The following POGLUT3 variants were observed in gnomAD, a reference collection of about 807,000 sequenced individuals.
The protein encoded by POGLUT3 is KDEL (Lys-Asp-Glu-Leu) containing 2.
POGLUT3 carries 48 observed loss-of-function variants against 54.3 expected under a neutral mutation model. That is an observed-to-expected ratio of 0.88 (90% CI 0.70 to 1.12). POGLUT3 has a LOEUF of 1.12. Ranked by LOEUF, POGLUT3 falls within the 50% of genes most tolerant of loss-of-function variation. The pLI, the probability that POGLUT3 is intolerant of heterozygous loss-of-function variation, is 0.00. For synonymous variants in POGLUT3, 218 were observed against 237.4 expected (o/e 0.92, Z 0.75); for missense variants, 629 against 618.7 (o/e 1.02, Z -0.18).
intron 6 of POGLUT3, among the ~76,000 whole-genome samples, chr11:108,478,935 A>G (rs1227410380): frequency 5.3e-5 from 8 of 152,208 alleles, no homozygotes; most frequent in Non-Finnish European, 1.2e-4. Flanking sequence ...CTAACTGGGG[A>G]TAAGAAAAGA....
Position 108,479,368 on chromosome 11 carries a change from G to C in POGLUT3, c.1226C>G (p.Pro409Arg). ...TTTAATTGGAACATAATGCTTCCAA[G>C]GTTCTAGTGCCATGTAGAAATGTTC... is the stretch of plus-strand genomic sequence containing the variant. ...YYEHFYMALE[P>R]WKHYVPIKRN... The change falls in exon 6 of 8, where the codon CCT becomes CGT. Residue 409 changes from proline (P) to arginine (R), a missense_variant. Pro to Arg is a moderately radical substitution (Grantham distance 103, BLOSUM62 -2). Coordinates refer to ENST00000323468, the MANE Select transcript of POGLUT3 (RefSeq NM_153705.5). The C allele has an allele frequency of 6.2e-7, 1 of 1,612,064 alleles. No individual in the cohort carries two copies. The highest frequency in any genetic ancestry group is 8.5e-7 in the Non-Finnish European group (1 of 1,179,626).
chr11:108,477,937 T>A lies in POGLUT3; in HGVS notation c.1294-226A>T. On this transcript the variant is annotated intron_variant, in intron 6 of 7. Coordinates refer to ENST00000323468, the MANE Select transcript of POGLUT3 (RefSeq NM_153705.5). ...CCCAAAGCTAGAAGATCACTTAAGG[T>A]CAAGAGTTCGAGATCAGTCTGGCCA... The A allele has an allele frequency of 5.8e-6, 3 of 516,508 alleles. No individual in the cohort carries two copies. In the East Asian group the frequency reaches 1.1e-4, roughly 19 times the overall value. 32.0% of individuals were successfully genotyped at this position (516,508 alleles called of 1,614,324 possible). A position where few individuals can be genotyped will look rare whatever the true frequency, so the allele number is the denominator to read the frequency against.
At position 108,498,307 on chromosome 11, in the gene POGLUT3, C is replaced by G. The variant is rs1047478728; in HGVS notation, c.60G>C (p.Ala20=). The part of the protein sequence containing the change: ...LQLRLALLVA[A]GAPEVLVSAP... ...CGCTGACCAGCACCTCCGGGGCCCC[C>G]GCGGCCACCAGCAGGGCGAGGCGCA... Residue 20 remains alanine, a synonymous_variant, in exon 1 of 8, where the codon GCG becomes GCC. Coordinates refer to ENST00000323468, the MANE Select transcript of POGLUT3 (RefSeq NM_153705.5). The G allele has an allele frequency of 6.9e-7, 1 of 1,452,732 alleles. No individual in the cohort carries two copies. Among genetic ancestry groups the G allele is most frequent in the Non-Finnish European group, 9.1e-7 (1 of 1,099,292 alleles). The allele number at this position is 1,452,732 out of a possible 1,614,324, so 90.0% of individuals were successfully genotyped here. A position where few individuals can be genotyped will look rare whatever the true frequency, so the allele number is the denominator to read the frequency against.
At chr11:108,476,514 C>T (rs1565744997) in intron 7 of POGLUT3, among the ~76,000 whole-genome samples, 4 of 152,106 alleles carry the variant, frequency 2.6e-5, no homozygotes. Context: ...GGAAGGGCTG[C>T]TTCTAGTAAA....
In POGLUT3 at chr11:108,474,680, C is replaced by T; in HGVS notation, c.*147G>A. 2.8e-6 allele frequency: 2 copies of T among 705,086 alleles called. No homozygotes were observed. The highest frequency in any genetic ancestry group is 4.5e-6 in the Non-Finnish European group (2 of 447,494). 43.7% of individuals were successfully genotyped at this position (705,086 alleles called of 1,614,324 possible). A position where few individuals can be genotyped will look rare whatever the true frequency, so the allele number is the denominator to read the frequency against. Reference sequence around the variant, plus strand: ...AGCATTTCAGATGAGGGATACTCAACCAGTACTGCTATATCCATCTACATA... The same window carrying T: ...AGCATTTCAGATGAGGGATACTCAATCAGTACTGCTATATCCATCTACATA... On this transcript the variant is annotated 3_prime_UTR_variant, in exon 8 of 8. Transcript: ENST00000323468.
At position 108,487,510 on chromosome 11, in the gene POGLUT3, CTGAAT is replaced by C. The variant is rs535921731; in HGVS notation, c.401-1075_401-1071del. On this transcript the variant is annotated intron_variant, in intron 2 of 7. Coordinates refer to ENST00000323468, the MANE Select transcript of POGLUT3 (RefSeq NM_153705.5). The stretch of plus-strand genomic sequence containing the variant: ...CTGTAGGCAAAAACAGGTAGTCTCA[CTGAAT>C]TGAATATTTGGCTCAGAATAAAGCT... Among the ~76,000 whole-genome samples the C allele has an allele frequency of 2.7e-3, 415 of 152,306 alleles. 1 individual carries two copies. Among genetic ancestry groups the C allele is most frequent in the Non-Finnish European group, 4.5e-3 (304 of 68,032 alleles).
In POGLUT3 at chr11:108,474,343, T is replaced by C. The variant is rs890680827; in HGVS notation, c.*484A>G. 1 of 152,206 alleles carries C rather than the reference T, an allele frequency of 6.6e-6. No homozygotes were observed. The highest frequency in any genetic ancestry group is 1.5e-5 in the Non-Finnish European group (1 of 68,050). 9.4% of individuals were successfully genotyped at this position (152,206 alleles called of 1,614,324 possible). On this transcript the variant is annotated 3_prime_UTR_variant, in exon 8 of 8. Transcript: ENST00000323468. The stretch of plus-strand genomic sequence containing the variant: ...GCTTGTTCAAATACAGGTTGAACAT[T>C]CCTCATACAAAAATCTAAAATCTGA...
chr11:108,494,980 A>G (rs933177783), intron 1 of POGLUT3, among the ~76,000 whole-genome samples: 1 of 152,158 alleles, frequency 6.6e-6, no homozygotes, highest in African/African-American at 2.4e-5. Context: ...CCCCCCACCC[A>G]AGGACAAAGA....
chr11:108,481,723 A>G (rs2093593035), intron 4 of POGLUT3, among the ~76,000 whole-genome samples: 1 of 91,380 alleles, frequency 1.1e-5, no homozygotes, highest in African/African-American at 4.7e-5. Context: ...ACCGTGTTCA[A>G]AGCAAAAAAG....
At chr11:108,480,769 G>A (rs1292313486) in intron 5 of POGLUT3, among the ~76,000 whole-genome samples, 1 of 151,918 alleles carries the variant, frequency 6.6e-6, no homozygotes, top group African/African-American at 2.4e-5. Flanking sequence ...ATTAGAAGCA[G>A]GCCTTGAACC....
In POGLUT3 at chr11:108,491,152, T is replaced by C. The variant is rs2093612590; in HGVS notation, c.218A>G (p.Lys73Arg). The C allele has an allele frequency of 6.2e-7, 1 of 1,613,490 alleles. No individual in the cohort carries two copies. The highest frequency in any genetic ancestry group is 1.3e-5 in the African/African-American group (1 of 74,920). ...AGGTGAAAGAGATTTGACTACGACT[T>C]TGAATGGTGTTTCACCTAAAAGGAA... ...TRSPAGETPFKVVVKSLSPKE... is the reference protein window; with the variant it reads ...TRSPAGETPFRVVVKSLSPKE... Residue 73 changes from lysine (K) to arginine (R), a missense_variant, in exon 2 of 8, where the codon AAA becomes AGA. Coordinates refer to ENST00000323468, the MANE Select transcript of POGLUT3 (RefSeq NM_153705.5).
chr11:108,483,106 A>G (rs2093595990), intron 3 of POGLUT3, among the ~76,000 whole-genome samples: 1 of 152,224 alleles, frequency 6.6e-6, no homozygotes, highest in Non-Finnish European at 1.5e-5. Flanking sequence ...ACTAAAATTA[A>G]TTCTAAAACT....
chr11:108,486,076 T>A (rs991570546), intron 3 of POGLUT3, 81 bp downstream of exon 3: 13 of 1,167,636 alleles, frequency 1.1e-5, no homozygotes, highest in Non-Finnish European at 1.2e-6. Context: ...ATCTGTTTCA[T>A]CCTTTGTCAT....
At chr11:108,482,700 C>A (rs888886475) in intron 3 of POGLUT3, among the ~76,000 whole-genome samples, 1 of 151,922 alleles carries the variant, frequency 6.6e-6, no homozygotes, top group East Asian at 1.9e-4. Flanking sequence ...GAGCCAAGAT[C>A]GCGCCACTGC....
chr11:108,481,337 C>G lies in POGLUT3; in HGVS notation c.941G>C (p.Arg314Thr). ...CCTCTCCTCTCGGCTGTCTCTACCTCTGAAGAAAGCTCTCTCTGTTTTATT... is the reference window on the plus strand; with the variant it reads ...CCTCTCCTCTCGGCTGTCTCTACCTGTGAAGAAAGCTCTCTCTGTTTTATT... ...WINKTERAFFRGRDSREERLQ... is the reference protein window; with the variant it reads ...WINKTERAFFTGRDSREERLQ... Residue 314 changes from arginine to threonine, a missense_variant, in exon 5 of 8, where the codon AGA becomes ACA. By Grantham distance (71) the Arg-to-Thr change is moderately conservative. Transcript: ENST00000323468. 6.3e-7 allele frequency: 1 copy of G among 1,594,974 alleles called. No homozygotes were observed. Among genetic ancestry groups the G allele is most frequent in the Non-Finnish European group, 8.5e-7 (1 of 1,175,002 alleles).
chr11:108,480,342 C>A lies in POGLUT3; in HGVS notation c.1098+838G>T, dbSNP rs183710634. Among the ~76,000 whole-genome samples the A allele has an allele frequency of 7.9e-5, 12 of 152,262 alleles. No homozygotes were observed. The East Asian group carries it at 2.3e-3, about 29-fold the overall frequency. On this transcript the variant is annotated intron_variant, in intron 5 of 7. Transcript: ENST00000323468. ...GGCAACATAGTAGGTAAGCTGTCTGCATATTTGTTGGGTTAATATACTTTG... is the reference window on the plus strand; with the variant it reads ...GGCAACATAGTAGGTAAGCTGTCTGAATATTTGTTGGGTTAATATACTTTG...
Position 108,491,089 on chromosome 11 carries a change from T to A in POGLUT3, c.281A>T (p.Asp94Val), listed in dbSNP as rs767538155. 2.5e-6 allele frequency: 4 copies of A among 1,613,952 alleles called. No homozygotes were observed. The highest frequency in any genetic ancestry group is 3.4e-6 in the Non-Finnish European group (4 of 1,179,940). ...CATCAAAAATGTTCCATCATTCCTG[T>A]CCAAAGGTTTAGGGACATGTATCCG... ...LVRIHVPKPL[D>V]RNDGTFLMRY... Residue 94 changes from aspartate (D) to valine (V), a missense_variant, in exon 2 of 8, where the codon GAC becomes GTC. Transcript: ENST00000323468.
intron 3 of POGLUT3, among the ~76,000 whole-genome samples, chr11:108,485,636 TTTTATTTATTTATTTA>T (rs34832849): frequency 6.4e-5 from 9 of 140,402 alleles, no homozygotes; most frequent in African/African-American, 1.1e-4. Context: ...CTTTATTCTA[TTTTATTTATTTATTTA>T]TTTATTTATT....
chr11:108,496,670 A>C (rs944895514), intron 1 of POGLUT3, among the ~76,000 whole-genome samples: 3 of 152,230 alleles, frequency 2.0e-5, no homozygotes, highest in Non-Finnish European at 4.4e-5. Context: ...TAGACACGTT[A>C]TCAAAGCAAT....
Sources: gnomAD v4.1 joint callset for allele counts (sites outside exome capture counted in the v4.1 genomes callset) on GRCh38, gnomAD v4.1.1 for gene constraint, MANE v1.5 for transcripts, NCBI Gene and HGNC (gene_info 2026-07-23, HGNC 2026-07-21) for gene names.